Variants in MVK observed in about 807,000 individuals in gnomAD.
MVK encodes LH receptor mRNA-binding protein.
In MVK, 34 loss-of-function variants were observed where a neutral mutation model predicts 43.2. The ratio of observed to expected loss-of-function variants is 0.79; its 90% CI spans 0.60 to 1.05. MVK has a LOEUF of 1.05. Ranked by LOEUF, MVK falls within the 50% of genes least tolerant of loss-of-function variation. MVK has a pLI of 0.00. For missense variants in MVK, 395 were observed against 504.0 expected (o/e 0.78, Z 2.07); for synonymous variants, 190 against 219.8 (o/e 0.86, Z 1.20).
At chr12:109,576,204 A>G in intron 3 of MVK, 59 bp downstream of exon 3, 3 of 1,609,106 alleles carry the variant, frequency 1.9e-6, no homozygotes, top group Non-Finnish European at 2.5e-6. Context: ...GCAGCTGGCC[A>G]GGTATTCTGG....
At chr12:109,596,202 G>A (rs1885905567) in intron 10 of MVK, among the ~76,000 whole-genome samples, 1 of 152,230 alleles carries the variant, frequency 6.6e-6, no homozygotes, top group African/African-American at 2.4e-5. Context: ...TGACTTGAGA[G>A]CCCATGTTTT....
Position 109,596,669 on chromosome 12 carries a change from C to G in MVK, c.*92C>G. 6 of 1,530,846 alleles carry G rather than the reference C, an allele frequency of 3.9e-6. No individual in the cohort carries two copies. Among genetic ancestry groups the G allele is most frequent in the Non-Finnish European group, 4.4e-6 (5 of 1,133,258 alleles). The allele number at this position is 1,530,846 out of a possible 1,614,324, so 94.8% of individuals were successfully genotyped here. ...CGACTCTGTGCTGGCCAGCGAGCGC[C>G]CAGCTCCTGACACTGCTGGAGAGGC... On this transcript the variant is annotated 3_prime_UTR_variant, in exon 11 of 11. Coordinates refer to ENST00000228510, the MANE Select transcript of MVK (RefSeq NM_000431.4).
intron 9 of MVK, among the ~76,000 whole-genome samples, chr12:109,591,868 C>G (rs1885697626): frequency 6.6e-6 from 1 of 152,176 alleles, no homozygotes; most frequent in Non-Finnish European, 1.5e-5. Context: ...AGGTTGTGAC[C>G]TGGTACTTTG....
chr12:109,580,924 G>C (rs766761375), intron 4 of MVK, among the ~76,000 whole-genome samples: 1 of 152,130 alleles, frequency 6.6e-6, no homozygotes, highest in Non-Finnish European at 1.5e-5. Context: ...GGGGGTCCTA[G>C]AAGGGGAGCC....
intron 3 of MVK, among the ~76,000 whole-genome samples, chr12:109,578,752 C>G (rs1234615458): frequency 6.6e-6 from 1 of 152,170 alleles, no homozygotes; most frequent in African/African-American, 2.4e-5. Context: ...TAACCAGTGC[C>G]CGAAGTTTCC....
chr12:109,591,170 A>G (rs1479511243), intron 8 of MVK, 71 bp from the exon 9 acceptor site: 2 of 1,414,148 alleles, frequency 1.4e-6, no homozygotes, highest in Non-Finnish European at 1.0e-6. Flanking sequence ...CCTCCACCCC[A>G]CTGCTGGGGC....
intron 7 of MVK, chr12:109,587,227 G>A (rs1214230697): frequency 4.7e-5 from 12 of 254,320 alleles, no homozygotes; most frequent in African/African-American, 2.0e-4. Flanking sequence ...CACAAAAGCC[G>A]CCACAGGACA....
chr12:109,586,830 C>CA, intron 7 of MVK, 31 bp downstream of exon 7: 1 of 1,612,708 alleles, frequency 6.2e-7, no homozygotes, highest in Non-Finnish European at 8.5e-7. Context: ...CACATTCAGC[C>CA]ATGGCTGCAT....
intron 3 of MVK, among the ~76,000 whole-genome samples, chr12:109,577,185 G>A (rs1468648793): frequency 6.6e-6 from 1 of 152,208 alleles, no homozygotes; most frequent in Non-Finnish European, 1.5e-5. Flanking sequence ...TGACAGCACT[G>A]TGAAGATTTC....
At chr12:109,591,086 G>T (rs1231131632) in intron 8 of MVK, among the ~76,000 whole-genome samples, 155 bp from the exon 9 acceptor site, 2 of 152,156 alleles carry the variant, frequency 1.3e-5, no homozygotes, top group Admixed American at 1.3e-4. Context: ...TTGCAGCTGG[G>T]AAGGCAAAAA....
Position 109,595,046 on chromosome 12 carries a change from C to A in MVK, c.904C>A (p.Gln302Lys). The A allele has an allele frequency of 6.2e-7, 1 of 1,614,218 alleles. No homozygotes were observed. The highest frequency in any genetic ancestry group is 8.5e-7 in the Non-Finnish European group (1 of 1,180,038). Residue 302 changes from glutamine (Q) to lysine (K), a missense_variant, in exon 10 of 11, where the codon CAG (glutamine) becomes AAG (lysine). Physicochemically the swap from Gln to Lys is moderately conservative, Grantham distance 53. Coordinates refer to ENST00000228510, the MANE Select transcript of MVK (RefSeq NM_000431.4). The surrounding 1 kb of genome is among the most constrained non-coding windows in gnomAD (Gnocchi z 5.9). ...CCCCTAGGAGCTCATTGACATGAAC[C>A]AGCACCATCTGAATGCCCTCGGCGT... ...LVLEELIDMN[Q>K]HHLNALGVGH...
rs182135900 is a variant in MVK, at chr12:109,596,536, T to C, written c.1150T>C (p.Ser384Pro). ...CGGCGTCTCCATCCACTCAGCCACC[T>C]CCCTGGACAGCCGAGTCCAGCAAGC... ...APGVSIHSAT[S>P]LDSRVQQALD... Residue 384 changes from serine to proline, a missense_variant, in exon 11 of 11, where the codon TCC (serine) becomes CCC (proline). Ser to Pro is a moderately conservative substitution (Grantham distance 74). Coordinates refer to ENST00000228510, the MANE Select transcript of MVK (RefSeq NM_000431.4). The C allele has an allele frequency of 6.2e-7, 1 of 1,612,062 alleles. No individual in the cohort carries two copies. Among genetic ancestry groups the C allele is most frequent in the Admixed American group, 1.7e-5 (1 of 60,026 alleles).
chr12:109,586,450 T>C (rs1281156439), intron 6 of MVK, among the ~76,000 whole-genome samples: 1 of 152,126 alleles, frequency 6.6e-6, no homozygotes, highest in African/African-American at 2.4e-5. Flanking sequence ...GCAAGAACTC[T>C]TGCTTACAGG....
chr12:109,585,223 T>G (rs1344461841), intron 5 of MVK, among the ~76,000 whole-genome samples: 1 of 152,186 alleles, frequency 6.6e-6, no homozygotes, highest in Non-Finnish European at 1.5e-5. Flanking sequence ...TTTGAATTCA[T>G]AATGATCGTG....
At position 109,597,285 on chromosome 12, in the gene MVK, C is replaced by T. The variant is rs574594018; in HGVS notation, c.*708C>T. On this transcript the variant is annotated 3_prime_UTR_variant, in exon 11 of 11. Transcript: ENST00000228510. Reference sequence around the variant, plus strand: ...AACAGTAGAGACTCCAGGCCACCAGCACCTCCCTCTGTCCCTGTCCCCTCT... The same window carrying T: ...AACAGTAGAGACTCCAGGCCACCAGTACCTCCCTCTGTCCCTGTCCCCTCT... The T allele has an allele frequency of 1.1e-4, 17 of 154,644 alleles. No homozygotes were observed. In the South Asian group the frequency reaches 3.4e-3, roughly 31 times the overall value. 9.6% of individuals were successfully genotyped at this position (154,644 alleles called of 1,614,324 possible).
chr12:109,593,360 A>C (rs1885765803), intron 9 of MVK, among the ~76,000 whole-genome samples: 1 of 152,226 alleles, frequency 6.6e-6, no homozygotes, highest in Non-Finnish European at 1.5e-5. Context: ...GGCCATCCCC[A>C]TGCGGGAGAG....
At chr12:109,583,828 C>T (rs150076807) in intron 5 of MVK, among the ~76,000 whole-genome samples, 3 of 152,338 alleles carry the variant, frequency 2.0e-5, no homozygotes, top group East Asian at 1.9e-4. Flanking sequence ...GAATACTGAT[C>T]GCTTTCTGAC....
intron 7 of MVK, 40 bp downstream of exon 7, chr12:109,586,839 A>T: frequency 6.2e-7 from 1 of 1,610,898 alleles, no homozygotes; most frequent in East Asian, 2.2e-5. Context: ...CCATGGCTGC[A>T]TTGATGTGTG....
In MVK at chr12:109,597,384, G is replaced by C. The variant is rs1164938222; in HGVS notation, c.*807G>C. On this transcript the variant is annotated 3_prime_UTR_variant, in exon 11 of 11. Transcript: ENST00000228510. Reference sequence around the variant, plus strand: ...TTGGGGTCACTTTGTTGTGCGTCTTGGGGATGAGGTGGCTTTTCCCAGATG... The same window carrying C: ...TTGGGGTCACTTTGTTGTGCGTCTTCGGGATGAGGTGGCTTTTCCCAGATG... The C allele has an allele frequency of 6.6e-6, 1 of 152,388 alleles. No homozygotes were observed. Among genetic ancestry groups the C allele is most frequent in the African/African-American group, 2.4e-5 (1 of 41,440 alleles). The allele number at this position is 152,388 out of a possible 1,614,324, so 9.4% of individuals were successfully genotyped here. A position where few individuals can be genotyped will look rare whatever the true frequency, so the allele number is the denominator to read the frequency against.
Sources: allele counts gnomAD v4.1 joint callset (sites outside exome capture counted in the v4.1 genomes callset), GRCh38; gene constraint gnomAD v4.1.1; non-coding constraint Gnocchi (gnomAD v3.1); transcripts MANE v1.5; gene names NCBI Gene and HGNC (gene_info 2026-07-23, HGNC 2026-07-21).